Variants in SMYD3 observed in about 807,000 individuals in gnomAD.
SMYD3 encodes SET and MYND domain containing 3.
SMYD3 carries 36 observed loss-of-function variants against 57.7 expected under a neutral mutation model. The ratio of observed to expected loss-of-function variants is 0.62; its 90% CI spans 0.48 to 0.82. The LOEUF (loss-of-function observed/expected upper bound fraction) is 0.82, where lower values mean the gene tolerates loss of function less well. Among genes scored for constraint, SMYD3 ranks in the 40% least tolerant of loss-of-function variants. The pLI, the probability that SMYD3 is intolerant of heterozygous loss-of-function variation, is 0.00. For synonymous variants in SMYD3, 211 were observed against 195.0 expected, an observed-to-expected ratio of 1.08 and a Z score of -0.68; for missense variants, 515 against 538.8, an observed-to-expected ratio of 0.96 and a Z score of 0.44.
chr1:246,003,940 C>A (rs537736716), intron 5 of SMYD3, among the ~76,000 whole-genome samples: 4 of 152,142 alleles, frequency 2.6e-5, no homozygotes, highest in Non-Finnish European at 4.4e-5. Flanking sequence ...ACCAATGTTC[C>A]TCTGTTATAT....
chr1:245,885,001 C>CTACCTTTA (rs2148562345), intron 8 of SMYD3, among the ~76,000 whole-genome samples: 1 of 152,282 alleles, frequency 6.6e-6, no homozygotes, highest in South Asian at 2.1e-4. Context: ...TGGGTCTGCA[C>CTACCTTTA]TACCTTTATG....
intron 1 of SMYD3, among the ~76,000 whole-genome samples, chr1:246,505,767 A>G (rs906474319): frequency 6.6e-6 from 1 of 152,266 alleles, no homozygotes; most frequent in Non-Finnish European, 1.5e-5. Context: ...TATTTTGGAA[A>G]TGCACAATTC....
chr1:246,413,180 A>G (rs2067004746), intron 1 of SMYD3, among the ~76,000 whole-genome samples: 1 of 152,222 alleles, frequency 6.6e-6, no homozygotes, highest in South Asian at 2.1e-4. Flanking sequence ...TTTAGTCTTT[A>G]TAATAACCCT....
intron 5 of SMYD3, among the ~76,000 whole-genome samples, chr1:245,989,077 G>A (rs2058762139): frequency 6.6e-6 from 1 of 152,216 alleles, no homozygotes; most frequent in South Asian, 2.1e-4. Context: ...GCTGGGAGTG[G>A]TGAGATGTAA....
intron 5 of SMYD3, among the ~76,000 whole-genome samples, chr1:245,986,997 A>G (rs1159562280): frequency 6.6e-6 from 1 of 152,186 alleles, no homozygotes; most frequent in East Asian, 1.9e-4. Context: ...TCTGCTGGAG[A>G]GCATACCTCC....
At chr1:246,237,023 C>G (rs978073323) in intron 5 of SMYD3, among the ~76,000 whole-genome samples, 1 of 152,100 alleles carries the variant, frequency 6.6e-6, no homozygotes, top group Non-Finnish European at 1.5e-5. Context: ...ATGAAGAAAA[C>G]CATTAATACA....
chr1:245,771,713 G>C (rs1277050877), intron 10 of SMYD3, among the ~76,000 whole-genome samples: 2 of 152,168 alleles, frequency 1.3e-5, no homozygotes, highest in East Asian at 3.8e-4. Context: ...GGCACATAGA[G>C]TCAGTCTTCT....
At chr1:245,856,859 C>T (rs10802283) in intron 10 of SMYD3, among the ~76,000 whole-genome samples, 85 of 151,894 alleles carry the variant, frequency 5.6e-4, no homozygotes, top group African/African-American at 1.9e-3. Flanking sequence ...TTTCAGTCTG[C>T]ATCTTTTGGA....
chr1:245,776,233 C>T (rs1302129464), intron 10 of SMYD3, among the ~76,000 whole-genome samples: 1 of 152,014 alleles, frequency 6.6e-6, no homozygotes, highest in African/African-American at 2.4e-5. Flanking sequence ...TTTAATGTAA[C>T]TGATTTAATG....
intron 10 of SMYD3, among the ~76,000 whole-genome samples, chr1:245,820,996 A>T (rs560699627): frequency 1.4e-3 from 205 of 151,254 alleles, no homozygotes; most frequent in African/African-American, 4.6e-3. Context: ...ATTCAATGCC[A>T]TCCCCATGAA....
At chr1:246,432,643 A>C (rs1320858129) in intron 1 of SMYD3, among the ~76,000 whole-genome samples, 1 of 152,232 alleles carries the variant, frequency 6.6e-6, no homozygotes, top group African/African-American at 2.4e-5. Flanking sequence ...ACAGACTGTA[A>C]GACTCCACTC....
At chr1:246,459,481 A>G (rs2067762199) in intron 1 of SMYD3, among the ~76,000 whole-genome samples, 1 of 149,968 alleles carries the variant, frequency 6.7e-6, no homozygotes, top group Non-Finnish European at 1.5e-5. Context: ...TCGCAATAAG[A>G]GTTCTCGTGA....
intron 5 of SMYD3, among the ~76,000 whole-genome samples, chr1:246,256,480 A>C (rs772339002): frequency 6.6e-6 from 1 of 152,208 alleles, no homozygotes; most frequent in Non-Finnish European, 1.5e-5. Context: ...AGAGGTGTTC[A>C]TAATAGTCTC....
chr1:246,245,120 C>CTTTTTTTTTTTTTTTTTTTTTTTTTT (rs74163421), intron 5 of SMYD3, among the ~76,000 whole-genome samples: 11 of 122,942 alleles, frequency 8.9e-5, no homozygotes, highest in African/African-American at 2.1e-4. Flanking sequence ...CAGCTACTGC[C>CTTTTTTTTTTTTTTTTTTTTTTTTTT]TTTTTTTTTT....
At chr1:245,933,294 C>T (rs934846904) in intron 5 of SMYD3, among the ~76,000 whole-genome samples, 2 of 152,090 alleles carry the variant, frequency 1.3e-5, no homozygotes, top group Non-Finnish European at 2.9e-5. Context: ...ATTAATGGTA[C>T]TACTTCAATA....
At chr1:245,986,015 T>C (rs1393202973) in intron 5 of SMYD3, among the ~76,000 whole-genome samples, 1 of 152,178 alleles carries the variant, frequency 6.6e-6, no homozygotes, top group East Asian at 1.9e-4. Flanking sequence ...AGTACTTTTA[T>C]ACAACATACA....
chr1:246,183,005 T>C (rs2062578438), intron 5 of SMYD3, among the ~76,000 whole-genome samples: 1 of 152,184 alleles, frequency 6.6e-6, no homozygotes, highest in African/African-American at 2.4e-5. Context: ...CACACCCTTA[T>C]TTTTAGCAGA....
chr1:246,062,441 T>A (rs931273817), intron 5 of SMYD3, among the ~76,000 whole-genome samples: 3 of 152,194 alleles, frequency 2.0e-5, no homozygotes, highest in Non-Finnish European at 4.4e-5. Context: ...ATCTTGGTTT[T>A]AAACATCTTG....
At chr1:246,442,033 C>A (rs756551815) in intron 1 of SMYD3, among the ~76,000 whole-genome samples, 1 of 152,238 alleles carries the variant, frequency 6.6e-6, no homozygotes, top group Non-Finnish European at 1.5e-5. Context: ...TAGAGACACA[C>A]TCTCAAGGCT....
Sources: allele counts gnomAD v4.1 joint callset (sites outside exome capture counted in the v4.1 genomes callset), GRCh38; gene constraint gnomAD v4.1.1; transcripts MANE v1.5; gene names NCBI Gene and HGNC (gene_info 2026-07-23, HGNC 2026-07-21).